Variants in PRKCQ observed in about 807,000 individuals in gnomAD.
PRKCQ encodes protein kinase C theta.
In PRKCQ, 41 loss-of-function variants were observed where a neutral mutation model predicts 91.2. The ratio of observed to expected loss-of-function variants is 0.45; its 90% confidence interval spans 0.35 to 0.58. PRKCQ has a LOEUF of 0.58. Ranked by LOEUF, PRKCQ falls within the 20% of genes least tolerant of loss-of-function variation. The probability of loss-of-function intolerance (pLI) is 0.00; values close to 1 mark genes in which losing one functional copy is unlikely to be tolerated. For synonymous variants in PRKCQ, 307 were observed against 316.9 expected (o/e 0.97, Z 0.33); for missense variants, 673 against 896.5 (o/e 0.75, Z 3.18).
chr10:6,437,228 G>C (rs12254073), intron 16 of PRKCQ, among the ~76,000 whole-genome samples: 1 of 152,196 alleles, frequency 6.6e-6, no homozygotes, highest in Non-Finnish European at 1.5e-5. Context: ...GTAACTGTAG[G>C]TAAGGGCTTT....
chr10:6,456,839 C>T, intron 14 of PRKCQ, 27 bp from the exon 15 acceptor site: 1 of 1,610,794 alleles, frequency 6.2e-7, no homozygotes, highest in Non-Finnish European at 8.5e-7. Context: ...AAGCAAATCT[C>T]ACATTAATCA....
At chr10:6,410,439 T>G in the PRKCQ span, among the ~76,000 whole-genome samples, 1 of 152,248 alleles carries the variant, frequency 6.6e-6, no homozygotes, top group Admixed American at 6.5e-5. Flanking sequence ...GTGAAGCTGC[T>G]GCCTTCTTGG....
intron 11 of PRKCQ, among the ~76,000 whole-genome samples, chr10:6,483,159 C>T (rs1836704417): frequency 6.6e-6 from 1 of 152,138 alleles, no homozygotes; most frequent in East Asian, 1.9e-4. Flanking sequence ...GGCTGAGGCA[C>T]CTTCCTATTT....
At chr10:6,452,421 G>C (rs1415725138) in intron 15 of PRKCQ, among the ~76,000 whole-genome samples, 1 of 152,084 alleles carries the variant, frequency 6.6e-6, no homozygotes, top group African/African-American at 2.4e-5. Context: ...TGATATAAAA[G>C]AGGATACAAA....
the PRKCQ span, among the ~76,000 whole-genome samples, chr10:6,413,150 C>G: frequency 3.3e-5 from 5 of 151,926 alleles, no homozygotes; most frequent in African/African-American, 1.2e-4. Flanking sequence ...GACGGGGTTT[C>G]ACCATGTTAG....
At chr10:6,470,294 C>G (rs1466598382) in intron 12 of PRKCQ, among the ~76,000 whole-genome samples, 2 of 151,826 alleles carry the variant, frequency 1.3e-5, no homozygotes, top group East Asian at 1.9e-4. Flanking sequence ...CCTTTCCCCC[C>G]TGCTCTTCCT....
At chr10:6,403,918 G>A in the PRKCQ span, among the ~76,000 whole-genome samples, 2 of 151,916 alleles carry the variant, frequency 1.3e-5, no homozygotes, top group Non-Finnish European at 2.9e-5. Flanking sequence ...TTCCTCCTAA[G>A]AACAGATGCT....
chr10:6,473,722 A>C (rs973685506), intron 12 of PRKCQ, among the ~76,000 whole-genome samples: 1 of 152,240 alleles, frequency 6.6e-6, no homozygotes, highest in African/African-American at 2.4e-5. Context: ...CATGGATTGC[A>C]GCATTTTTGA....
chr10:6,450,839 C>G (rs995136278), intron 15 of PRKCQ, among the ~76,000 whole-genome samples: 6 of 151,948 alleles, frequency 3.9e-5, no homozygotes, highest in African/African-American at 1.5e-4. Flanking sequence ...GGGTACATAA[C>G]GAAATGAAGG....
intron 1 of PRKCQ, among the ~76,000 whole-genome samples, chr10:6,566,974 A>G (rs1840859089): frequency 6.6e-6 from 1 of 152,140 alleles, no homozygotes. Context: ...GAAATAAAAT[A>G]TATTCCCTGG....
At chr10:6,418,800 A>C in the PRKCQ span, among the ~76,000 whole-genome samples, 1 of 152,142 alleles carries the variant, frequency 6.6e-6, no homozygotes. Context: ...TCATCTGTCT[A>C]CCTACCTACC....
chr10:6,464,792 A>T (rs1835555079), intron 12 of PRKCQ, among the ~76,000 whole-genome samples: 1 of 152,232 alleles, frequency 6.6e-6, no homozygotes, highest in Non-Finnish European at 1.5e-5. Flanking sequence ...AACAAGGAGG[A>T]CTACTTTTTA....
chr10:6,462,800 T>C (rs1342263851), intron 13 of PRKCQ, among the ~76,000 whole-genome samples: 1 of 151,452 alleles, frequency 6.6e-6, no homozygotes, highest in Non-Finnish European at 1.5e-5. Flanking sequence ...AAGTCAGGAG[T>C]TCAAGACCAG....
At chr10:6,442,548 G>T (rs1483620409) in intron 15 of PRKCQ, among the ~76,000 whole-genome samples, 3 of 152,212 alleles carry the variant, frequency 2.0e-5, no homozygotes, top group Non-Finnish European at 2.9e-5. Context: ...CATCTGGACA[G>T]TTCCCTTCCT....
At chr10:6,449,258 G>A (rs1588674247) in intron 15 of PRKCQ, among the ~76,000 whole-genome samples, 1 of 149,228 alleles carries the variant, frequency 6.7e-6, no homozygotes. Context: ...GGAGCTGAAA[G>A]CCAAGGCTCG....
chr10:6,515,127 T>C lies in PRKCQ; in HGVS notation c.9A>G (p.Pro3=), dbSNP rs1838692052. The C allele has an allele frequency of 1.2e-6, 2 of 1,613,574 alleles. No individual in the cohort carries two copies. Among genetic ancestry groups the C allele is most frequent in the African/African-American group, 1.3e-5 (1 of 74,996 alleles). The change falls in exon 2 of 18, where the codon CCA becomes CCG. Residue 3 remains proline, a synonymous_variant. Coordinates refer to ENST00000263125, the MANE Select transcript of PRKCQ (RefSeq NM_006257.5). ...AGTTGGACAAGCCAATCCGAAGAAA[T>C]GGCGACATGGTTGCGCCCTGGAAAA... is the stretch of plus-strand genomic sequence containing the variant. MS[P]FLRIGLSNFD...
chr10:6,471,050 C>G (rs1835932910), intron 12 of PRKCQ, among the ~76,000 whole-genome samples: 1 of 151,972 alleles, frequency 6.6e-6, no homozygotes, highest in Admixed American at 6.6e-5. Flanking sequence ...GAGGGTTTGT[C>G]AAAGATAGAC....
chr10:6,421,175 A>C, the PRKCQ span, among the ~76,000 whole-genome samples: 2 of 152,170 alleles, frequency 1.3e-5, no homozygotes, highest in South Asian at 4.1e-4. The surrounding 1 kb of genome is among the most constrained non-coding windows in gnomAD (Gnocchi z 4.1). Flanking sequence ...ATACATCCTT[A>C]GTGTTTCTGA....
intron 1 of PRKCQ, among the ~76,000 whole-genome samples, chr10:6,534,777 TATATATATATATATAG>T (rs1382441325): frequency 1.0e-4 from 3 of 29,108 alleles, no homozygotes; most frequent in African/African-American, 1.8e-4. Context: ...CATATATCTA[TATATATATATATATAG>T]ATATATATAT....
Sources: allele counts gnomAD v4.1 joint callset (sites outside exome capture counted in the v4.1 genomes callset), GRCh38; gene constraint gnomAD v4.1.1; non-coding constraint Gnocchi (gnomAD v3.1); transcripts MANE v1.5; gene names NCBI Gene and HGNC (gene_info 2026-07-23, HGNC 2026-07-21).